Variants in LIG1 observed in about 807,000 individuals in gnomAD.
LIG1 encodes DNA ligase 1.
LIG1 carries 70 observed loss-of-function variants against 115.7 expected under a neutral mutation model. The observed-to-expected ratio is 0.60, with a 90% CI of 0.50 to 0.74. The LOEUF (loss-of-function observed/expected upper bound fraction) is 0.74, where lower values mean the gene tolerates loss of function less well. Ranked by LOEUF, LIG1 falls within the 30% of genes least tolerant of loss-of-function variation. LIG1 has a pLI of 0.00. For missense variants in LIG1, 1,115 were observed against 1,225.6 expected (o/e 0.91, Z 1.35); for synonymous variants, 487 against 495.3 (o/e 0.98, Z 0.22).
At chr19:48,118,534 C>CTTTTTTTTTTT (rs143277427) in intron 25 of LIG1, 2 of 97,350 alleles carry the variant, frequency 2.1e-5, no homozygotes, top group Admixed American at 1.2e-4. Context: ...ATAAATGATC[C>CTTTTTTTTTTT]TTTTTTTTTT....
chr19:48,126,187 CTG>C (rs1445512819), intron 21 of LIG1, among the ~76,000 whole-genome samples: 1 of 152,146 alleles, frequency 6.6e-6, no homozygotes, highest in African/African-American at 2.4e-5. Flanking sequence ...AGTCATTCAT[CTG>C]TAGCCATGCC....
chr19:48,161,174 G>A (rs2036152383), intron 4 of LIG1, 198 bp downstream of exon 4: 2 of 690,092 alleles, frequency 2.9e-6, no homozygotes. Flanking sequence ...ACCTAACGTG[G>A]TGAAGGAGCC....
chr19:48,135,669 C>T lies in LIG1; in HGVS notation c.1523+11G>A. The stretch of plus-strand genomic sequence containing the variant: ...AGCCCCTGGCAACTCCACCCACTGC[C>T]CAGCTCTCACCAGAACGTCTGCTTC... On this transcript the variant is annotated intron_variant, in intron 16 of 27. Coordinates refer to ENST00000263274, the MANE Select transcript of LIG1 (RefSeq NM_000234.3). 6.2e-7 allele frequency: 1 copy of T among 1,611,564 alleles called. No individual in the cohort carries two copies. Among genetic ancestry groups the T allele is most frequent in the Non-Finnish European group, 8.5e-7 (1 of 1,177,684 alleles).
intron 4 of LIG1, among the ~76,000 whole-genome samples, chr19:48,160,266 G>A (rs1282607803): frequency 6.6e-6 from 1 of 152,186 alleles, no homozygotes; most frequent in African/African-American, 2.4e-5. Flanking sequence ...GGAAAGTTTC[G>A]CTGAGGAAGT....
intron 21 of LIG1, among the ~76,000 whole-genome samples, chr19:48,124,825 G>C (rs966671649): frequency 6.6e-5 from 10 of 152,086 alleles, no homozygotes; most frequent in African/African-American, 2.4e-4. Context: ...CATCAGCCTG[G>C]CCAACATGGT....
Position 48,121,268 on chromosome 19 carries a change from C to T in LIG1, c.2287G>A (p.Gly763Ser), listed in dbSNP as rs1199390744. The stretch of plus-strand genomic sequence containing the variant: ...CGCTTCCCCCGGCCCAGGTAGGCGC[C>T]GATCACCACCAGGTCCAGGGTGTCA... ...VGDTLDLVVI[G>S]AYLGRGKRAG... The change falls in exon 24 of 28, where the codon GGC (glycine) becomes AGC (serine). Residue 763 changes from glycine to serine, a missense_variant. By Grantham distance (56) the Gly-to-Ser change is moderately conservative. Transcript: ENST00000263274. 5.6e-6 allele frequency: 9 copies of T among 1,613,328 alleles called. No individual in the cohort carries two copies. Among genetic ancestry groups the T allele is most frequent in the African/African-American group, 1.3e-5 (1 of 74,914 alleles).
intron 9 of LIG1, 118 bp downstream of exon 9, chr19:48,149,645 T>C (rs2035340516): frequency 6.3e-6 from 5 of 790,666 alleles, no homozygotes; most frequent in South Asian, 1.5e-5. Flanking sequence ...TGGCTCTTTA[T>C]AGAAAAGGTT....
At chr19:48,163,494 T>C (rs1599883849) in intron 2 of LIG1, among the ~76,000 whole-genome samples, 1 of 151,480 alleles carries the variant, frequency 6.6e-6, no homozygotes, top group East Asian at 2.0e-4. Flanking sequence ...GGATTACAGG[T>C]GTGAGCCACT....
At chr19:48,136,237 CAGA>C (rs1210371166) in intron 14 of LIG1, 112 bp from the exon 15 acceptor site, 1 of 760,372 alleles carries the variant, frequency 1.3e-6, no homozygotes, top group East Asian at 2.7e-5. Flanking sequence ...CCTCAAAAAC[CAGA>C]AGAATCTTCA....
chr19:48,163,822 G>A (rs2123052168), intron 2 of LIG1, among the ~76,000 whole-genome samples: 1 of 151,942 alleles, frequency 6.6e-6, no homozygotes, highest in African/African-American at 2.4e-5. Flanking sequence ...GCAGGCGCCT[G>A]TAGTCCCAGC....
intron 9 of LIG1, among the ~76,000 whole-genome samples, chr19:48,148,744 C>T (rs1050701420): frequency 6.6e-6 from 1 of 152,154 alleles, no homozygotes; most frequent in Non-Finnish European, 1.5e-5. Flanking sequence ...GTCTTCAGTG[C>T]GGCCTCCTGT....
At position 48,157,140 on chromosome 19, in the gene LIG1, T is replaced by C; in HGVS notation, c.244A>G (p.Lys82Glu). 3 of 1,609,718 alleles carry C rather than the reference T, an allele frequency of 1.9e-6. No individual in the cohort carries two copies. The highest frequency in any genetic ancestry group is 2.5e-6 in the Non-Finnish European group (3 of 1,177,782). Reference protein sequence around the residue: ...DEALSPAKGQKPALDCSQVSP... With the variant: ...DEALSPAKGQEPALDCSQVSP... ...ACCTGTGAGCAGTCCAGGGCAGGCT[T>C]CTGGAAGAGGAAAGAACAGTTCTAG... is the stretch of plus-strand genomic sequence containing the variant. The change falls in exon 5 of 28, where the codon AAG (lysine) becomes GAG (glutamate). Residue 82 changes from lysine to glutamate, a missense_variant and splice_region_variant. Lys to Glu is a moderately conservative substitution (Grantham distance 56). Coordinates refer to ENST00000263274, the MANE Select transcript of LIG1 (RefSeq NM_000234.3).
chr19:48,117,855 G>A (rs1057038519), intron 25 of LIG1, 74 bp from the exon 26 acceptor site: 3 of 1,542,024 alleles, frequency 1.9e-6, no homozygotes, highest in African/African-American at 2.7e-5. Context: ...GGAGGGCTGG[G>A]GAGAGGGAGG....
rs753286590 is a variant in LIG1 at position 48,119,160 on chromosome 19, C to A, written c.2416G>T (p.Glu806Ter). 1 of 1,583,624 alleles carries A rather than the reference C, an allele frequency of 6.3e-7. No individual in the cohort carries two copies. Among genetic ancestry groups the A allele is most frequent in the Non-Finnish European group, 8.6e-7 (1 of 1,165,024 alleles). The stretch of plus-strand genomic sequence containing the variant: ...ACCTTGAGGCTCTGGTGATGCTCCT[C>A]CAGCTCCTCATCACTGAAGCCAGTT... The part of the protein sequence containing the change: ...LGTGFSDEEL[E>*]EHHQSLKALV... Residue 806 changes from glutamate (E) to a stop codon, truncating the protein, a stop_gained, in exon 25 of 28, where the codon GAG (glutamate) becomes TAG (stop). Transcript: ENST00000263274. LOFTEE classifies it high-confidence loss of function.
Position 48,140,181 on chromosome 19 carries a change from C to G in LIG1, c.915-38G>C, listed in dbSNP as rs372540562. The G allele has an allele frequency of 7.6e-6, 11 of 1,439,698 alleles. No homozygotes were observed. In the African/African-American group the frequency reaches 1.3e-4, roughly 17 times the overall value. The allele number at this position is 1,439,698 out of a possible 1,614,324, so 89.2% of individuals were successfully genotyped here. A position where few individuals can be genotyped will look rare whatever the true frequency, so the allele number is the denominator to read the frequency against. On this transcript the variant is annotated intron_variant, in intron 11 of 27. Coordinates refer to ENST00000263274, the MANE Select transcript of LIG1 (RefSeq NM_000234.3). ...ACGGGGGTATGAACACGTGGTTCCT[C>G]AAGGTCAAAGTGTGGTGTCGGGGTG...
chr19:48,161,960 C>T (rs1433021058), intron 3 of LIG1, among the ~76,000 whole-genome samples: 1 of 150,718 alleles, frequency 6.6e-6, no homozygotes, highest in Non-Finnish European at 1.5e-5. Flanking sequence ...GTACTGTTGT[C>T]TTCTACTTAG....
At chr19:48,159,944 C>T (rs1427734277) in intron 4 of LIG1, among the ~76,000 whole-genome samples, 1 of 152,032 alleles carries the variant, frequency 6.6e-6, no homozygotes, top group East Asian at 1.9e-4. Flanking sequence ...GTCTCAATCT[C>T]CGGACCTTGT....
At chr19:48,152,112 G>A (rs929798299) in intron 6 of LIG1, among the ~76,000 whole-genome samples, 28 of 152,068 alleles carry the variant, frequency 1.8e-4, no homozygotes, top group African/African-American at 6.5e-4. Flanking sequence ...ACTAAAAATT[G>A]TCAATAAGAA....
chr19:48,149,835 CG>C lies in LIG1; in HGVS notation c.703del (p.Arg235GlyfsTer9). 1.2e-6 allele frequency: 2 copies of C among 1,613,892 alleles called. No homozygotes were observed. The highest frequency in any genetic ancestry group is 8.5e-7 in the Non-Finnish European group (1 of 1,179,964). The stretch of plus-strand genomic sequence containing the variant: ...CACTTCTTTTTTGACTGCTGGCTTC[CG>C]GGGGGCTAGGAATGAAGACAGAAAA... ...PKTLSSFFTP[R>X]KPAVKKEVKE... is the part of the protein sequence containing the mutation. On this transcript the variant is annotated frameshift_variant, in exon 9 of 28. Coordinates refer to ENST00000263274, the MANE Select transcript of LIG1 (RefSeq NM_000234.3). LOFTEE classifies it high-confidence loss of function.
Sources: gnomAD v4.1 joint callset for allele counts (sites outside exome capture counted in the v4.1 genomes callset) on GRCh38, gnomAD v4.1.1 for gene constraint, MANE v1.5 for transcripts, NCBI Gene and HGNC (gene_info 2026-07-23, HGNC 2026-07-21) for gene names.